The following NSUN3 variants were observed in gnomAD, a reference collection of about 807,000 sequenced individuals.
NSUN3 encodes the protein NOP2/Sun RNA methyltransferase 3.
NSUN3 carries 24 observed loss-of-function variants against 36.8 expected under a neutral mutation model. The observed-to-expected ratio is 0.65, with a 90% CI of 0.47 to 0.92. NSUN3 has a LOEUF of 0.92. Among genes scored for constraint, NSUN3 ranks in the 40% least tolerant of loss-of-function variants. The pLI is 0.00. For synonymous variants in NSUN3, 146 were observed against 145.2 expected (o/e 1.01, Z -0.04); for missense variants, 381 against 392.8 (o/e 0.97, Z 0.25).
chr3:94,077,031 C>T lies in NSUN3; in HGVS notation c.123-7076C>T, dbSNP rs112322020. The T allele has an allele frequency of 5.2e-4, 431 of 827,224 alleles. 1 individual carries two copies. In the African/African-American group the frequency reaches 5.9e-3, roughly 11 times the overall value. 51.2% of individuals were successfully genotyped at this position (827,224 alleles called of 1,614,324 possible). A position where few individuals can be genotyped will look rare whatever the true frequency, so the allele number is the denominator to read the frequency against. On this transcript the variant is annotated intron_variant, in intron 2 of 5. Transcript: ENST00000314622. ...CTGGTCTGGTTACACCTGGAAGCCA[C>T]TGGGCAGTTAGGCTGGGCCACTCCA...
intron 2 of NSUN3, among the ~76,000 whole-genome samples, chr3:94,071,130 C>A (rs1193380268): frequency 6.6e-6 from 1 of 152,070 alleles, no homozygotes; most frequent in African/African-American, 2.4e-5. Context: ...TATATGGAAA[C>A]AAAAGCTCAT....
chr3:94,095,195 G>A, intron 5 of NSUN3, 41 bp downstream of exon 5: 9 of 1,598,248 alleles, frequency 5.6e-6, no homozygotes, highest in Non-Finnish European at 7.7e-6. Flanking sequence ...GGTGTCTGAT[G>A]TAATTTACAC....
At chr3:94,117,414 A>G (rs1272277856) in intron 5 of NSUN3, among the ~76,000 whole-genome samples, 3 of 152,290 alleles carry the variant, frequency 2.0e-5, no homozygotes, top group East Asian at 1.9e-4. Flanking sequence ...TCAAAAATCT[A>G]TTGAGGATTT....
chr3:94,087,251 T>C (rs1333510739), intron 3 of NSUN3, among the ~76,000 whole-genome samples: 1 of 152,228 alleles, frequency 6.6e-6, no homozygotes, highest in Admixed American at 6.5e-5. Flanking sequence ...GAATTTGGAA[T>C]GTAGAAGCAA....
intron 2 of NSUN3, chr3:94,076,030 A>T (rs2077244325): frequency 6.2e-7 from 1 of 1,608,800 alleles, no homozygotes; most frequent in South Asian, 1.1e-5. Context: ...CCCAAGGTTC[A>T]TTGGGATTCC....
chr3:94,076,459 C>T lies in NSUN3; in HGVS notation c.123-7648C>T. On this transcript the variant is annotated intron_variant, in intron 2 of 5. Coordinates refer to ENST00000314622, the MANE Select transcript of NSUN3 (RefSeq NM_022072.5). ...GATCAGCAACTGACCCAAACAGAGA[C>T]TTATGGAACAGATGCCAGGAAACAT... The T allele has an allele frequency of 3.8e-6, 3 of 788,654 alleles. 1 individual carries two copies. In the South Asian group the frequency reaches 4.0e-5, roughly 11 times the overall value. 48.9% of individuals were successfully genotyped at this position (788,654 alleles called of 1,614,324 possible).
chr3:94,115,720 G>A (rs1317918807), intron 5 of NSUN3, among the ~76,000 whole-genome samples: 2 of 152,148 alleles, frequency 1.3e-5, no homozygotes, highest in Admixed American at 1.3e-4. Flanking sequence ...CTTTTTAAAT[G>A]CAGAAAACAG....
intron 4 of NSUN3, among the ~76,000 whole-genome samples, 178 bp downstream of exon 4, chr3:94,094,472 C>A (rs998786174): frequency 2.0e-5 from 3 of 152,142 alleles, no homozygotes; most frequent in Non-Finnish European, 1.5e-5. Flanking sequence ...CAGCATGGTT[C>A]AAAGGAAGCA....
chr3:94,117,395 T>G (rs2077445081), intron 5 of NSUN3, among the ~76,000 whole-genome samples: 1 of 152,204 alleles, frequency 6.6e-6, no homozygotes, highest in South Asian at 2.1e-4. Context: ...GGTTGTATTC[T>G]GTGAACTGTC....
At chr3:94,086,445 G>T (rs1180637832) in intron 3 of NSUN3, among the ~76,000 whole-genome samples, 1 of 152,224 alleles carries the variant, frequency 6.6e-6, no homozygotes, top group African/African-American at 2.4e-5. Context: ...ATCTGAAAAT[G>T]GATTCTTTTG....
At chr3:94,123,857 C>T (rs2077474063) in intron 5 of NSUN3, among the ~76,000 whole-genome samples, 1 of 152,032 alleles carries the variant, frequency 6.6e-6, no homozygotes, top group Non-Finnish European at 1.5e-5. Flanking sequence ...CTAACTGTCC[C>T]ATTTAAAATT....
At chr3:94,105,721 A>G (rs886933543) in intron 5 of NSUN3, among the ~76,000 whole-genome samples, 4 of 151,966 alleles carry the variant, frequency 2.6e-5, no homozygotes, top group Non-Finnish European at 5.9e-5. Flanking sequence ...TTTCACTTGA[A>G]GAAAGTTTCT....
intron 2 of NSUN3, among the ~76,000 whole-genome samples, chr3:94,072,869 AG>A (rs1420642686): frequency 6.6e-6 from 1 of 151,996 alleles, no homozygotes; most frequent in Non-Finnish European, 1.5e-5. Context: ...TTTCTTACAT[AG>A]GTATACCCAT....
rs147147104 is a variant in NSUN3, at chr3:94,095,002, T to C, written c.622-31T>C. On this transcript the variant is annotated intron_variant, in intron 4 of 5. Coordinates refer to ENST00000314622, the MANE Select transcript of NSUN3 (RefSeq NM_022072.5). Reference sequence around the variant, plus strand: ...TGCCTGAGAATAGATTGTCAGTGCATATTTGCATCACTTGTCTTTTTTTTC... The same window carrying C: ...TGCCTGAGAATAGATTGTCAGTGCACATTTGCATCACTTGTCTTTTTTTTC... 4.3e-4 allele frequency: 695 copies of C among 1,612,074 alleles called. 5 individuals are homozygous for C. The East Asian group carries it at 0.014, about 34-fold the overall frequency.
At chr3:94,069,207 A>G (rs1277845355) in intron 2 of NSUN3, among the ~76,000 whole-genome samples, 1 of 152,220 alleles carries the variant, frequency 6.6e-6, no homozygotes, top group Non-Finnish European at 1.5e-5. Flanking sequence ...AGGATTTCCT[A>G]TCTGAGGTAC....
intron 5 of NSUN3, among the ~76,000 whole-genome samples, chr3:94,098,549 A>G (rs2077352618): frequency 6.6e-6 from 1 of 152,142 alleles, no homozygotes; most frequent in African/African-American, 2.4e-5. Context: ...GACGAATTCT[A>G]AAAGAGCTGC....
At chr3:94,072,072 CA>C (rs1301938127) in intron 2 of NSUN3, among the ~76,000 whole-genome samples, 2 of 152,198 alleles carry the variant, frequency 1.3e-5, no homozygotes, top group Non-Finnish European at 2.9e-5. Context: ...GCAGCCTTAG[CA>C]GTCCCTTCAA....
intron 3 of NSUN3, among the ~76,000 whole-genome samples, chr3:94,086,990 G>T (rs1401986711): frequency 1.3e-5 from 2 of 152,168 alleles, no homozygotes; most frequent in Non-Finnish European, 2.9e-5. Context: ...TCATTAGTAG[G>T]CTATAAATAT....
At chr3:94,103,600 A>G (rs2077374462) in intron 5 of NSUN3, among the ~76,000 whole-genome samples, 3 of 151,984 alleles carry the variant, frequency 2.0e-5, no homozygotes, top group African/African-American at 7.2e-5. Context: ...TGGCTGCTAT[A>G]GTATGTAGAG....
Sources: allele counts gnomAD v4.1 joint callset (sites outside exome capture counted in the v4.1 genomes callset), GRCh38; gene constraint gnomAD v4.1.1; transcripts MANE v1.5; gene names NCBI Gene and HGNC (gene_info 2026-07-23, HGNC 2026-07-21).